Variants in BLTP3B observed in about 807,000 individuals in gnomAD.
BLTP3B encodes UHRF1 (ICBP90) binding protein 1-like.
the BLTP3B span, among the ~76,000 whole-genome samples, chr12:100,137,206 C>G: frequency 2.0e-5 from 3 of 152,186 alleles, no homozygotes; most frequent in African/African-American, 7.2e-5. Flanking sequence ...TTCCAATTAT[C>G]TCATTCCTTT....
the BLTP3B span, chr12:100,059,069 C>G: frequency 6.2e-7 from 1 of 1,614,040 alleles, no homozygotes; most frequent in Non-Finnish European, 8.5e-7. Flanking sequence ...CTTTTTGTGA[C>G]TCTGCATATC....
the BLTP3B span, among the ~76,000 whole-genome samples, chr12:100,094,455 T>C: frequency 6.6e-6 from 1 of 152,148 alleles, no homozygotes; most frequent in Non-Finnish European, 1.5e-5. Flanking sequence ...TTCTCTGAGG[T>C]CCTTCAGGCC....
the BLTP3B span, among the ~76,000 whole-genome samples, chr12:100,134,616 CAAA>C: frequency 7.2e-6 from 1 of 139,288 alleles, no homozygotes; most frequent in Admixed American, 7.3e-5. Context: ...GACTCTGTCT[CAAA>C]AAAAAAAAAA....
chr12:100,074,865 C>A, the BLTP3B span, among the ~76,000 whole-genome samples: 2 of 151,970 alleles, frequency 1.3e-5, no homozygotes, highest in Admixed American at 6.6e-5. Flanking sequence ...AATAGAGAAC[C>A]CAGAAATAAA....
the BLTP3B span, among the ~76,000 whole-genome samples, chr12:100,056,029 T>C: frequency 2.0e-5 from 3 of 152,228 alleles, no homozygotes. Flanking sequence ...TCAATAAATG[T>C]TAGCTTCTAT....
the BLTP3B span, among the ~76,000 whole-genome samples, chr12:100,139,953 C>T: frequency 6.6e-6 from 1 of 152,188 alleles, no homozygotes; most frequent in Non-Finnish European, 1.5e-5. Flanking sequence ...CAATGGGTTG[C>T]ATACACAGGC....
chr12:100,104,208 T>TTC, the BLTP3B span, among the ~76,000 whole-genome samples: 1 of 148,670 alleles, frequency 6.7e-6, no homozygotes, highest in African/African-American at 2.5e-5. Context: ...TTTTTTCTTT[T>TTC]TTTTTTTTTT....
the BLTP3B span, among the ~76,000 whole-genome samples, chr12:100,124,866 G>A: frequency 6.9e-6 from 1 of 145,524 alleles, no homozygotes; most frequent in African/African-American, 2.5e-5. Flanking sequence ...AAGTTGCATT[G>A]AGTTATGATC....
At chr12:100,075,841 A>G in the BLTP3B span, among the ~76,000 whole-genome samples, 1 of 152,308 alleles carries the variant, frequency 6.6e-6, no homozygotes, top group Admixed American at 6.5e-5. Context: ...AAAAAGTCAA[A>G]ATACAGATGC....
chr12:100,112,659 G>GCAAAACAAAA, the BLTP3B span, among the ~76,000 whole-genome samples: 1 of 151,504 alleles, frequency 6.6e-6, no homozygotes, highest in African/African-American at 2.4e-5. Flanking sequence ...ACATTTAAGG[G>GCAAAACAAAA]CAAAACAAAA....
the BLTP3B span, among the ~76,000 whole-genome samples, chr12:100,079,014 C>G: frequency 6.6e-6 from 1 of 152,216 alleles, no homozygotes; most frequent in Non-Finnish European, 1.5e-5. Flanking sequence ...TGACTTGCTC[C>G]TCCTTGCTTT....
At chr12:100,049,937 T>A in the BLTP3B span, among the ~76,000 whole-genome samples, 3 of 152,114 alleles carry the variant, frequency 2.0e-5, no homozygotes, top group African/African-American at 7.2e-5. Context: ...AAAAATTTTC[T>A]TCATCAAAAT....
At chr12:100,048,200 A>C in the BLTP3B span, 1 of 1,575,490 alleles carries the variant, frequency 6.3e-7, no homozygotes. Context: ...TCGGAACCTA[A>C]GGAAAATGAA....
chr12:100,070,141 T>C, the BLTP3B span: 3 of 1,562,718 alleles, frequency 1.9e-6, no homozygotes, highest in Non-Finnish European at 2.6e-6. Flanking sequence ...TCATCTATCT[T>C]GAGTTTTCTC....
chr12:100,137,694 A>G, the BLTP3B span, among the ~76,000 whole-genome samples: 1 of 152,310 alleles, frequency 6.6e-6, no homozygotes, highest in South Asian at 2.1e-4. Flanking sequence ...CCTAAACCCT[A>G]GACTTCAAAA....
chr12:100,048,488 T>C, the BLTP3B span, among the ~76,000 whole-genome samples: 7 of 151,964 alleles, frequency 4.6e-5, no homozygotes, highest in East Asian at 3.9e-4. Context: ...GTGTGTTTGA[T>C]TGTGTACCTA....
At chr12:100,139,438 T>C in the BLTP3B span, among the ~76,000 whole-genome samples, 1 of 152,226 alleles carries the variant, frequency 6.6e-6, no homozygotes, top group African/African-American at 2.4e-5. Context: ...TCCTCCTTAC[T>C]GGCAGAACTC....
the BLTP3B span, among the ~76,000 whole-genome samples, chr12:100,121,930 T>C: frequency 2.0e-5 from 3 of 151,794 alleles, no homozygotes. Context: ...GATATATACA[T>C]ACTATATATA....
chr12:100,091,435 G>A, the BLTP3B span, among the ~76,000 whole-genome samples: 8 of 151,588 alleles, frequency 5.3e-5, no homozygotes, highest in African/African-American at 1.2e-4. Context: ...GGATCTGCCC[G>A]CCTTGGCCTC....
Sources: gnomAD v4.1 joint callset for allele counts (sites outside exome capture counted in the v4.1 genomes callset) on GRCh38, gnomAD v4.1.1 for gene constraint, MANE v1.5 for transcripts, NCBI Gene and HGNC (gene_info 2026-07-23, HGNC 2026-07-21) for gene names.